The following DNAJC9 variants were observed in gnomAD, a reference collection of about 807,000 sequenced individuals.
DNAJC9 encodes the protein DnaJ heat shock protein family (Hsp40) member C9.
In DNAJC9, 18 loss-of-function variants were observed where a neutral mutation model predicts 32.4. The ratio of observed to expected loss-of-function variants is 0.56; its 90% CI spans 0.38 to 0.82. DNAJC9 has a LOEUF of 0.82. DNAJC9 is among the 40% of genes least tolerant of loss of function. The probability of loss-of-function intolerance (pLI) is 0.00; values close to 1 mark genes in which losing one functional copy is unlikely to be tolerated. For synonymous variants in DNAJC9, 113 were observed against 122.1 expected (o/e 0.93, Z 0.49); for missense variants, 310 against 321.8 (o/e 0.96, Z 0.28).
intron 3 of DNAJC9, among the ~76,000 whole-genome samples, chr10:73,245,641 G>A (rs1295739007): frequency 1.3e-5 from 2 of 152,184 alleles, no homozygotes; most frequent in East Asian, 3.9e-4. Flanking sequence ...GAATGCCTCA[G>A]GAATGCTACA....
At position 73,243,179 on chromosome 10, in the gene DNAJC9, C is replaced by A. The variant is rs1218956993; in HGVS notation, c.*221G>T. On this transcript the variant is annotated 3_prime_UTR_variant, in exon 5 of 5. Coordinates refer to ENST00000372950, the MANE Select transcript of DNAJC9 (RefSeq NM_015190.5). ...CCCTCCACCCTCCCAAATGTCACCA[C>A]CAAGTTCCTTCAGGTGAGACCTCAC... 2 of 508,952 alleles carry A rather than the reference C, an allele frequency of 3.9e-6. No homozygotes were observed. Among genetic ancestry groups the A allele is most frequent in the Middle Eastern group, 5.4e-4 (1 of 1,850 alleles). The allele number at this position is 508,952 out of a possible 1,614,324, so 31.5% of individuals were successfully genotyped here. A position where few individuals can be genotyped will look rare whatever the true frequency, so the allele number is the denominator to read the frequency against.
downstream of DNAJC9, among the ~76,000 whole-genome samples, chr10:73,237,767 C>A (rs998874459): frequency 1.3e-5 from 2 of 151,876 alleles, no homozygotes. Context: ...GCTACATCAC[C>A]CAGGCTGGAG....
intron 2 of DNAJC9, among the ~76,000 whole-genome samples, chr10:73,233,590 T>C (rs548906748): frequency 2.0e-5 from 3 of 152,286 alleles, no homozygotes; most frequent in African/African-American, 7.2e-5. Context: ...GCAATCTGCC[T>C]GCCTCAGTCT....
At chr10:73,239,263 C>CT (rs2043890433), downstream of DNAJC9, 1 of 1,453,016 alleles carries the variant, frequency 6.9e-7, no homozygotes, top group Non-Finnish European at 9.4e-7. Flanking sequence ...AAATATTATC[C>CT]TTTGTGAGAA....
In DNAJC9 at chr10:73,246,678, A is replaced by T; in HGVS notation, c.321+10T>A. ...GTAACAGTCACAAAGAAACCTCCAG[A>T]GTCCTTTACCTTTTTAAAGAGTAGC... On this transcript the variant is annotated intron_variant, in intron 2 of 4. Transcript: ENST00000372950. The T allele has an allele frequency of 6.2e-7, 1 of 1,613,830 alleles. No homozygotes were observed. The highest frequency in any genetic ancestry group is 8.5e-7 in the Non-Finnish European group (1 of 1,179,810).
downstream of DNAJC9, among the ~76,000 whole-genome samples, chr10:73,237,343 T>G (rs1368321685): frequency 6.6e-6 from 1 of 152,228 alleles, no homozygotes; most frequent in Non-Finnish European, 1.5e-5. Context: ...TCTACTGAAT[T>G]TGCCTTCTTA....
intron 3 of DNAJC9, chr10:73,244,315 G>C (rs1466488573): frequency 5.6e-6 from 1 of 179,428 alleles, no homozygotes; most frequent in African/African-American, 2.4e-5. Flanking sequence ...GGGTAACATA[G>C]TGAGACCTCA....
At chr10:73,238,428 A>G (rs997429437), downstream of DNAJC9, among the ~76,000 whole-genome samples, 1 of 152,186 alleles carries the variant, frequency 6.6e-6, no homozygotes, top group Non-Finnish European at 1.5e-5. Flanking sequence ...TTTCATCTAG[A>G]ATAGGGGCCA....
At chr10:73,235,370 T>TG (rs2043799302), downstream of DNAJC9, 1 of 1,547,712 alleles carries the variant, frequency 6.5e-7, no homozygotes, top group Non-Finnish European at 8.7e-7. Flanking sequence ...AAAGAAAAGG[T>TG]GGGGGGAATA....
At chr10:73,246,317 C>A in intron 2 of DNAJC9, 141 bp from the exon 3 acceptor site, 1 of 915,414 alleles carries the variant, frequency 1.1e-6, no homozygotes. Flanking sequence ...TTTTCTATGC[C>A]TAAGCTTCTC....
At chr10:73,235,912 AATAG>A (rs1277878945), downstream of DNAJC9, among the ~76,000 whole-genome samples, 2 of 152,288 alleles carry the variant, frequency 1.3e-5, no homozygotes, top group Non-Finnish European at 2.9e-5. Context: ...CCTTTTAAGT[AATAG>A]AAAAAACCTG....
At chr10:73,234,986 T>G (rs191041721), downstream of DNAJC9, 3 of 1,540,326 alleles carry the variant, frequency 1.9e-6, no homozygotes, top group African/African-American at 4.1e-5. Context: ...CCATACAACC[T>G]AATGGGCAGT....
chr10:73,239,189 C>T, downstream of DNAJC9: 3 of 738,838 alleles, frequency 4.1e-6, no homozygotes, highest in South Asian at 3.9e-5. Context: ...CTGACTTTTC[C>T]CTCAAGTTGG....
chr10:73,237,233 C>T (rs181529927), downstream of DNAJC9, among the ~76,000 whole-genome samples: 8 of 152,244 alleles, frequency 5.3e-5, no homozygotes, highest in South Asian at 2.1e-4. Context: ...GTAGACCCCA[C>T]GAGGCTGACT....
rs2043974792 is a variant in DNAJC9, at chr10:73,243,356, T to C, written c.*44A>G. 1.9e-6 allele frequency: 3 copies of C among 1,607,742 alleles called. No homozygotes were observed. Among genetic ancestry groups the C allele is most frequent in the Non-Finnish European group, 2.5e-6 (3 of 1,178,258 alleles). On this transcript the variant is annotated 3_prime_UTR_variant, in exon 5 of 5. Transcript: ENST00000372950. ...AATCCTGCCTGCACCTTGCCTACGA[T>C]GGCATCAATTTACACCTAAGGACCT...
At chr10:73,246,501 C>T (rs2044011928) in intron 2 of DNAJC9, among the ~76,000 whole-genome samples, 187 bp downstream of exon 2, 1 of 152,148 alleles carries the variant, frequency 6.6e-6, no homozygotes, top group Non-Finnish European at 1.5e-5. Flanking sequence ...TTCAGTGCAA[C>T]AATCACATTA....
In DNAJC9 at chr10:73,246,018, C is replaced by T. The variant is rs765457247; in HGVS notation, c.480G>A (p.Arg160=). 1.2e-6 allele frequency: 2 copies of T among 1,613,716 alleles called. No individual in the cohort carries two copies. Among genetic ancestry groups the T allele is most frequent in the East Asian group, 2.2e-5 (1 of 44,874 alleles). ...CGTCAATAGCTTGCTGAATGATATTCCTTATCCTGGGTTCCTCTGTGTACT... is the reference window on the plus strand; with the variant it reads ...CGTCAATAGCTTGCTGAATGATATTTCTTATCCTGGGTTCCTCTGTGTACT... ...CVQYTEEPRI[R]NIIQQAIDAG... is the part of the protein sequence containing the mutation. The change falls in exon 3 of 5, where the codon AGG becomes AGA. Residue 160 remains arginine, a synonymous_variant. Transcript: ENST00000372950.
chr10:73,247,206 A>T lies in DNAJC9; in HGVS notation c.-17T>A. On this transcript the variant is annotated 5_prime_UTR_variant, in exon 1 of 5. Transcript: ENST00000372950. ...CAGCCCCATGCCGGGCGGAGATACGACCCCGGAGGAAGCAGCCGCTCCCAG... is the reference window on the plus strand; with the variant it reads ...CAGCCCCATGCCGGGCGGAGATACGTCCCCGGAGGAAGCAGCCGCTCCCAG... 1 of 1,580,274 alleles carries T rather than the reference A, an allele frequency of 6.3e-7. No homozygotes were observed. Among genetic ancestry groups the T allele is most frequent in the South Asian group, 1.1e-5 (1 of 86,970 alleles).
At chr10:73,246,306 A>AT (rs2044006927) in intron 2 of DNAJC9, 130 bp from the exon 3 acceptor site, 1 of 1,008,872 alleles carries the variant, frequency 9.9e-7, no homozygotes, top group Non-Finnish European at 1.4e-6. Flanking sequence ...ATTGAACCAG[A>AT]TTTTCTATGC....
Sources: allele counts gnomAD v4.1 joint callset (sites outside exome capture counted in the v4.1 genomes callset), GRCh38; gene constraint gnomAD v4.1.1; transcripts MANE v1.5; gene names NCBI Gene and HGNC (gene_info 2026-07-23, HGNC 2026-07-21).